The following PLCB4 variants were observed in gnomAD, a reference collection of about 807,000 sequenced individuals.
PLCB4 encodes phospholipase C beta 4, also known as 1-phosphatidylinositol 4,5-bisphosphate phosphodiesterase beta-4.
Under a neutral mutation model 178.8 loss-of-function variants are expected in PLCB4, and 77 were observed. The observed-to-expected ratio is 0.43, with a 90% CI of 0.36 to 0.52. The LOEUF is 0.52. Among genes scored for constraint, PLCB4 ranks in the 20% least tolerant of loss-of-function variants. The probability of loss-of-function intolerance (pLI) is 0.00; values close to 1 mark genes in which losing one functional copy is unlikely to be tolerated. For missense variants in PLCB4, 1,024 were observed against 1,453.4 expected, an observed-to-expected ratio of 0.70 and a Z score of 4.80; for synonymous variants, 496 against 490.8, an observed-to-expected ratio of 1.01 and a Z score of -0.14.
chr20:9,317,773 G>A (rs2094915277), intron 4 of PLCB4, among the ~76,000 whole-genome samples: 2 of 152,196 alleles, frequency 1.3e-5, no homozygotes, highest in Admixed American at 1.3e-4. Context: ...CTTGCTGCCA[G>A]CTGCACAAAG....
intron 35 of PLCB4, among the ~76,000 whole-genome samples, chr20:9,468,080 C>G (rs190141670): frequency 1.2e-4 from 18 of 152,262 alleles, no homozygotes; most frequent in African/African-American, 4.3e-4. Flanking sequence ...CATTTTCTCT[C>G]TCTCTTCCAG....
In PLCB4 at chr20:9,266,414, C is replaced by G. The variant is rs1055389450; in HGVS notation, c.-15-41386C>G. 2.0e-4 allele frequency among the ~76,000 whole-genome samples: 31 copies of G among 152,150 alleles called. 1 individual carries two copies. Among genetic ancestry groups the G allele is most frequent in the African/African-American group, 7.2e-4 (30 of 41,440 alleles). Reference sequence around the variant, plus strand: ...TTTCTCTTACTTTTGTAATGTGTACCTATCAGTAAACATTACTGTGAGGTG... The same window carrying G: ...TTTCTCTTACTTTTGTAATGTGTACGTATCAGTAAACATTACTGTGAGGTG... On this transcript the variant is annotated intron_variant, in intron 3 of 39. Coordinates refer to ENST00000378473, the MANE Select transcript of PLCB4 (RefSeq NM_001377142.1).
At position 9,302,170 on chromosome 20, in the gene PLCB4, C is replaced by CT. The variant is rs373716687; in HGVS notation, c.-15-5619dup. ...ACTTTTGGCATGGTACAATCAAAGC[C>CT]TTTTTTTTTTTCAAGCCAGTTAGTT... On this transcript the variant is annotated intron_variant, in intron 3 of 39. Transcript: ENST00000378473. Among the ~76,000 whole-genome samples the CT allele has an allele frequency of 3.8e-3, 552 of 143,702 alleles. 2 individuals carry two copies. Among genetic ancestry groups the CT allele is most frequent in the Non-Finnish European group, 5.8e-3 (377 of 65,274 alleles). 94.3% of individuals were successfully genotyped at this position (143,702 alleles called of 152,430 possible). A position where few individuals can be genotyped will look rare whatever the true frequency, so the allele number is the denominator to read the frequency against.
chr20:9,204,843 G>T (rs560308873), intron 2 of PLCB4, among the ~76,000 whole-genome samples: 2 of 151,936 alleles, frequency 1.3e-5, no homozygotes, highest in East Asian at 1.9e-4. Flanking sequence ...TGAAATGGGG[G>T]TAATTTGAAT....
rs775717770 is a variant in PLCB4, at chr20:9,339,003, C to T, written c.335C>T (p.Thr112Ile). The T allele has an allele frequency of 1.2e-6, 2 of 1,613,260 alleles. 1 individual carries two copies. Among genetic ancestry groups the T allele is most frequent in the South Asian group, 2.2e-5 (2 of 91,004 alleles). Residue 112 changes from threonine to isoleucine, a missense_variant, in exon 7 of 40, where the codon ACC becomes ATC. Transcript: ENST00000378473. ...ACAGATCTAGTGAACATTAGTTTTA[C>T]CTACATGGTGGCTGAAAATCCAGAA... Reference protein sequence around the residue: ...SGTDLVNISFTYMVAENPEVT... With the variant: ...SGTDLVNISFIYMVAENPEVT...
chr20:9,226,369 A>G (rs1016731021), intron 3 of PLCB4, among the ~76,000 whole-genome samples: 4 of 152,242 alleles, frequency 2.6e-5, no homozygotes, highest in African/African-American at 9.6e-5. Context: ...CTGAGCTAAT[A>G]GAAAAATAGA....
chr20:9,299,460 A>G (rs1014103439), intron 3 of PLCB4, among the ~76,000 whole-genome samples: 24 of 152,048 alleles, frequency 1.6e-4, no homozygotes, highest in Non-Finnish European at 3.2e-4. Flanking sequence ...AACAGTGTAC[A>G]TATGTAAGCA....
At chr20:9,273,209 T>A (rs1366869347) in intron 3 of PLCB4, among the ~76,000 whole-genome samples, 1 of 152,144 alleles carries the variant, frequency 6.6e-6, no homozygotes, top group Non-Finnish European at 1.5e-5. Context: ...AATAGAATGA[T>A]GTCACTACCA....
chr20:9,308,527 GT>G (rs768307414), intron 4 of PLCB4, among the ~76,000 whole-genome samples: 14 of 152,264 alleles, frequency 9.2e-5, no homozygotes, highest in Non-Finnish European at 1.3e-4. Context: ...TGAATTTGAG[GT>G]GACTTGGGAA....
intron 38 of PLCB4, 92 bp from the exon 39 acceptor site, chr20:9,476,625 C>A: frequency 2.3e-6 from 2 of 882,600 alleles, no homozygotes; most frequent in Non-Finnish European, 3.8e-6. Flanking sequence ...TATGGTTTTG[C>A]ATTCATTTTT....
chr20:9,152,774 T>G (rs2092712886), intron 2 of PLCB4, among the ~76,000 whole-genome samples: 1 of 152,048 alleles, frequency 6.6e-6, no homozygotes, highest in Admixed American at 6.6e-5. Context: ...CCCAAAATGG[T>G]AGACCTACTG....
intron 13 of PLCB4, among the ~76,000 whole-genome samples, chr20:9,381,878 G>A (rs2037172648): frequency 6.6e-6 from 1 of 152,250 alleles, no homozygotes; most frequent in Non-Finnish European, 1.5e-5. Context: ...CTGGATACCA[G>A]AGCGGCACAG....
chr20:9,324,708 A>G (rs912489034), intron 4 of PLCB4, among the ~76,000 whole-genome samples: 6 of 152,086 alleles, frequency 3.9e-5, no homozygotes, highest in African/African-American at 1.4e-4. Flanking sequence ...TGTTCCAGTA[A>G]TTGCTGCACT....
intron 2 of PLCB4, among the ~76,000 whole-genome samples, chr20:9,171,974 A>G (rs550641370): frequency 6.6e-6 from 1 of 152,150 alleles, no homozygotes; most frequent in Non-Finnish European, 1.5e-5. Flanking sequence ...TCAACTTGTC[A>G]AGAACAGAAT....
intron 3 of PLCB4, among the ~76,000 whole-genome samples, chr20:9,278,015 A>T (rs377743608): frequency 6.6e-6 from 1 of 152,168 alleles, no homozygotes; most frequent in East Asian, 1.9e-4. Flanking sequence ...TGCTATTTGT[A>T]TTCAATTAAA....
intron 25 of PLCB4, among the ~76,000 whole-genome samples, chr20:9,415,898 C>G (rs758517051): frequency 6.6e-6 from 1 of 152,112 alleles, no homozygotes; most frequent in Non-Finnish European, 1.5e-5. Flanking sequence ...ATGCCCCAGC[C>G]CCCTGCACCC....
At position 9,337,189 on chromosome 20, in the gene PLCB4, T is replaced by C. The variant is rs2032581073; in HGVS notation, c.148T>C (p.Trp50Arg). The C allele has an allele frequency of 6.2e-7, 1 of 1,612,796 alleles. No individual in the cohort carries two copies. Among genetic ancestry groups the C allele is most frequent in the Non-Finnish European group, 8.5e-7 (1 of 1,178,910 alleles). The part of the protein sequence containing the change: ...KVDEFGFFLT[W>R]RSEGKEGQVL... ...GGATGAGTTTGGCTTCTTTCTGACA[T>C]GGAGAAGTGAAGGCAAGGTATGGCC... The change falls in exon 5 of 40, where the codon TGG (tryptophan) becomes CGG (arginine). Residue 50 changes from tryptophan to arginine, a missense_variant. By Grantham distance (101) the Trp-to-Arg change is moderately radical. Coordinates refer to ENST00000378473, the MANE Select transcript of PLCB4 (RefSeq NM_001377142.1).
intron 32 of PLCB4, among the ~76,000 whole-genome samples, chr20:9,450,396 G>A (rs1223618524): frequency 6.6e-6 from 1 of 152,148 alleles, no homozygotes; most frequent in Non-Finnish European, 1.5e-5. Flanking sequence ...GACAAGTGGT[G>A]TCTGGGAATC....
intron 3 of PLCB4, among the ~76,000 whole-genome samples, chr20:9,269,499 A>G (rs539298933): frequency 6.6e-6 from 1 of 152,332 alleles, no homozygotes; most frequent in Admixed American, 6.5e-5. Flanking sequence ...ATTCCAACAC[A>G]GTGAGCAAGG....
Sources: allele counts gnomAD v4.1 joint callset (sites outside exome capture counted in the v4.1 genomes callset), GRCh38; gene constraint gnomAD v4.1.1; transcripts MANE v1.5; gene names NCBI Gene and HGNC (gene_info 2026-07-23, HGNC 2026-07-21).